Variants in ELMOD1 observed in about 807,000 individuals in gnomAD.
ELMOD1 encodes the protein ELMO domain containing 1, also known as ELMO domain-containing protein 1.
ELMOD1 carries 21 observed loss-of-function variants against 46.7 expected under a neutral mutation model. The ratio of observed to expected loss-of-function variants is 0.45; its 90% CI spans 0.32 to 0.65. ELMOD1 has a LOEUF of 0.65. ELMOD1 is among the 30% of genes least tolerant of loss of function. The pLI is 0.04. For synonymous variants in ELMOD1, 122 were observed against 138.2 expected (o/e 0.88, Z 0.82); for missense variants, 348 against 407.8 (o/e 0.85, Z 1.26).
intron 9 of ELMOD1, 93 bp downstream of exon 9, chr11:107,651,001 G>A: frequency 1.4e-6 from 1 of 724,250 alleles, no homozygotes; most frequent in Non-Finnish European, 2.0e-6. Flanking sequence ...GAATTTATTT[G>A]TTTCAAAAAG....
chr11:107,628,549 GT>G (rs943497429), intron 2 of ELMOD1, among the ~76,000 whole-genome samples: 3 of 149,996 alleles, frequency 2.0e-5, no homozygotes, highest in African/African-American at 7.3e-5. Flanking sequence ...TGTTGTTGTT[GT>G]TTTTTGGGGT....
chr11:107,658,224 CT>C (rs559845361), intron 11 of ELMOD1, among the ~76,000 whole-genome samples: 1 of 151,950 alleles, frequency 6.6e-6, no homozygotes, highest in East Asian at 1.9e-4. Flanking sequence ...CAGGAGACTG[CT>C]TTTTTTTGTT....
intron 1 of ELMOD1, among the ~76,000 whole-genome samples, chr11:107,603,394 C>T (rs1303380008): frequency 6.6e-6 from 1 of 152,070 alleles, no homozygotes; most frequent in Non-Finnish European, 1.5e-5. Context: ...CAAAAAATAG[C>T]TGTGCGTGGT....
chr11:107,619,436 T>C (rs1397919557), intron 2 of ELMOD1, among the ~76,000 whole-genome samples: 1 of 152,232 alleles, frequency 6.6e-6, no homozygotes, highest in Non-Finnish European at 1.5e-5. Context: ...TTGGCATTTG[T>C]GCACACCTCC....
At chr11:107,623,124 G>A (rs901318974) in intron 2 of ELMOD1, among the ~76,000 whole-genome samples, 2 of 151,328 alleles carry the variant, frequency 1.3e-5, no homozygotes, top group East Asian at 1.9e-4. Context: ...ATCCCTCCCC[G>A]ATTCCCCCAC....
intron 2 of ELMOD1, among the ~76,000 whole-genome samples, chr11:107,621,988 C>T (rs1264707184): frequency 6.6e-6 from 1 of 152,176 alleles, no homozygotes; most frequent in Non-Finnish European, 1.5e-5. Flanking sequence ...GATCACGCCA[C>T]TGCACTCTAG....
chr11:107,665,240 A>G lies in ELMOD1; in HGVS notation c.*43A>G. 1.3e-6 allele frequency: 2 copies of G among 1,593,364 alleles called. No individual in the cohort carries two copies. Among genetic ancestry groups the G allele is most frequent in the Non-Finnish European group, 1.7e-6 (2 of 1,166,106 alleles). On this transcript the variant is annotated 3_prime_UTR_variant, in exon 12 of 12. Transcript: ENST00000265840. ...AATGGATACCCTGGAACACTGCCTC[A>G]TTGTCTTGTTAGATCTCTGCTTAGG...
intron 6 of ELMOD1, chr11:107,643,767 A>G (rs1042654951): frequency 2.2e-6 from 1 of 458,428 alleles, no homozygotes; most frequent in Non-Finnish European, 4.4e-6. Flanking sequence ...TCTGTTGCGT[A>G]TACTGCTGAA....
intron 11 of ELMOD1, among the ~76,000 whole-genome samples, chr11:107,664,528 A>G (rs368644534): frequency 6.6e-6 from 1 of 152,188 alleles, no homozygotes; most frequent in East Asian, 1.9e-4. Context: ...TGTGTTGTTC[A>G]GGGTTGATTT....
intron 1 of ELMOD1, among the ~76,000 whole-genome samples, chr11:107,599,832 C>G (rs959598449): frequency 2.1e-4 from 32 of 148,940 alleles, no homozygotes; most frequent in African/African-American, 7.9e-4. Flanking sequence ...TTCAAAAAGA[C>G]CCTAAGAGAA....
chr11:107,655,826 T>G, intron 10 of ELMOD1, 107 bp from the exon 11 acceptor site: 1 of 1,216,342 alleles, frequency 8.2e-7, no homozygotes, highest in Non-Finnish European at 1.1e-6. Context: ...TACCATGGCA[T>G]TTGTACACTG....
intron 1 of ELMOD1, among the ~76,000 whole-genome samples, chr11:107,604,720 A>C (rs1865658817): frequency 6.6e-6 from 1 of 152,236 alleles, no homozygotes; most frequent in Non-Finnish European, 1.5e-5. Context: ...ATGCATAATT[A>C]TAGCTCTAAA....
intron 1 of ELMOD1, among the ~76,000 whole-genome samples, chr11:107,598,918 G>A (rs1005416097): frequency 6.6e-6 from 1 of 152,186 alleles, no homozygotes; most frequent in Non-Finnish European, 1.5e-5. Context: ...TCTGTTTCTT[G>A]CAGTGATAAA....
intron 2 of ELMOD1, among the ~76,000 whole-genome samples, chr11:107,621,762 C>G (rs1029388547): frequency 2.7e-5 from 2 of 73,084 alleles, no homozygotes; most frequent in South Asian, 1.1e-3. Flanking sequence ...CATGGTGGCT[C>G]ACACCTGTAA....
At chr11:107,653,958 G>A (rs949156078) in intron 9 of ELMOD1, 5 of 541,124 alleles carry the variant, frequency 9.2e-6, no homozygotes, top group Non-Finnish European at 1.7e-5. Flanking sequence ...GTCTCCCATG[G>A]CTATACTAAA....
At chr11:107,610,998 C>A (rs1476530959) in intron 1 of ELMOD1, among the ~76,000 whole-genome samples, 258 of 95,474 alleles carry the variant, frequency 2.7e-3, no homozygotes, top group South Asian at 3.7e-3. Context: ...TGTAAGAATC[C>A]AAAAAAAAAA....
At position 107,656,083 on chromosome 11, in the gene ELMOD1, A is replaced by C; in HGVS notation, c.832+17A>C. Reference sequence around the variant, plus strand: ...AAACATTCTGTAAGTATCCTGTTGTATAATTATCAATATAGGTTTCTACGC... The same window carrying C: ...AAACATTCTGTAAGTATCCTGTTGTCTAATTATCAATATAGGTTTCTACGC... On this transcript the variant is annotated intron_variant, in intron 11 of 11. Coordinates refer to ENST00000265840, the MANE Select transcript of ELMOD1 (RefSeq NM_018712.4). 1 of 1,551,410 alleles carries C rather than the reference A, an allele frequency of 6.4e-7. No homozygotes were observed. Among genetic ancestry groups the C allele is most frequent in the South Asian group, 1.2e-5 (1 of 84,056 alleles).
At chr11:107,619,992 GA>G (rs1865920678) in intron 2 of ELMOD1, 1 of 152,124 alleles carries the variant, frequency 6.6e-6, no homozygotes, top group Non-Finnish European at 1.5e-5. Flanking sequence ...ATAATAAAAG[GA>G]AACTTGATCA....
chr11:107,659,354 T>G (rs935352784), intron 11 of ELMOD1, among the ~76,000 whole-genome samples: 3 of 152,046 alleles, frequency 2.0e-5, no homozygotes, highest in Non-Finnish European at 4.4e-5. Flanking sequence ...TGAGTTTAGT[T>G]TTAGGCATAC....
Sources: allele counts gnomAD v4.1 joint callset (sites outside exome capture counted in the v4.1 genomes callset), GRCh38; gene constraint gnomAD v4.1.1; transcripts MANE v1.5; gene names NCBI Gene and HGNC (gene_info 2026-07-23, HGNC 2026-07-21).